IQCM: variants seen among roughly 807,000 people sequenced by gnomAD.
The protein encoded by IQCM is IQ motif containing M, also known as IQ domain-containing protein M.
A neutral mutation model predicts 57.6 loss-of-function variants in IQCM; 45 were observed. The observed-to-expected ratio is 0.78, with a 90% CI of 0.62 to 1.00. The LOEUF is 1.00. Among genes scored for constraint, IQCM ranks in the 50% least tolerant of loss-of-function variants. The probability of loss-of-function intolerance (pLI) is 0.00; values close to 1 mark genes in which losing one functional copy is unlikely to be tolerated. For missense variants in IQCM, 468 were observed against 511.6 expected, an observed-to-expected ratio of 0.91 and a Z score of 0.82; for synonymous variants, 148 against 158.9, an observed-to-expected ratio of 0.93 and a Z score of 0.51.
chr4:149,506,553 C>A (rs1389387435), intron 12 of IQCM, among the ~76,000 whole-genome samples: 1 of 151,836 alleles, frequency 6.6e-6, no homozygotes, highest in Non-Finnish European at 1.5e-5. Context: ...AGGAGAGGGC[C>A]CAGGATATAT....
chr4:149,504,651 C>A (rs1287416536), intron 12 of IQCM, among the ~76,000 whole-genome samples: 1 of 152,116 alleles, frequency 6.6e-6, no homozygotes, highest in East Asian at 1.9e-4. Flanking sequence ...CAGTGGTTCA[C>A]GTCTGCAATC....
At position 149,815,717 on chromosome 4, in the gene IQCM, A is replaced by C. The variant is rs932752642; in HGVS notation, c.-204T>G. On this transcript the variant is annotated 5_prime_UTR_variant, in exon 1 of 14. The change creates a new upstream start codon in the 5' untranslated region. Transcript: ENST00000636793. ...TATTCTTCCTTTATTATTTATCTTT[A>C]ATTATCCAGCTTTATATTTCTTTAA... The C allele has an allele frequency of 2.0e-5, 3 of 151,964 alleles. No homozygotes were observed. Among genetic ancestry groups the C allele is most frequent in the Non-Finnish European group, 4.4e-5 (3 of 67,900 alleles). 9.4% of individuals were successfully genotyped at this position (151,964 alleles called of 1,614,324 possible).
intron 7 of IQCM, among the ~76,000 whole-genome samples, chr4:149,653,156 G>T (rs1303303697): frequency 6.6e-6 from 1 of 152,074 alleles, no homozygotes; most frequent in Non-Finnish European, 1.5e-5. Context: ...TTGGTAAATG[G>T]TGTATCATTT....
intron 12 of IQCM, among the ~76,000 whole-genome samples, chr4:149,475,369 G>A (rs1011198275): frequency 6.6e-6 from 1 of 152,086 alleles, no homozygotes; most frequent in Non-Finnish European, 1.5e-5. Flanking sequence ...AATATAGGTG[G>A]GGCCAATTTG....
intron 13 of IQCM, among the ~76,000 whole-genome samples, chr4:149,372,214 A>T (rs1398645740): frequency 2.0e-5 from 3 of 152,134 alleles, no homozygotes; most frequent in Non-Finnish European, 4.4e-5. Flanking sequence ...AATATATTTC[A>T]ATTATTTGTA....
At chr4:149,427,158 C>T (rs545186610) in intron 13 of IQCM, among the ~76,000 whole-genome samples, 1 of 152,090 alleles carries the variant, frequency 6.6e-6, no homozygotes, top group East Asian at 1.9e-4. Flanking sequence ...ACAGTGCTCA[C>T]TGCACCTACT....
intron 5 of IQCM, among the ~76,000 whole-genome samples, chr4:149,705,330 A>T (rs990784431): frequency 6.6e-6 from 1 of 150,646 alleles, no homozygotes; most frequent in East Asian, 2.0e-4. Context: ...CCAGGATACA[A>T]CTATTAGAGT....
intron 8 of IQCM, among the ~76,000 whole-genome samples, chr4:149,616,352 T>C (rs189633220): frequency 2.2e-4 from 33 of 152,286 alleles, no homozygotes; most frequent in African/African-American, 7.0e-4. Flanking sequence ...ACAAATATTC[T>C]ACGATTCTGT....
chr4:149,576,982 T>C (rs535612753), intron 9 of IQCM, among the ~76,000 whole-genome samples: 2 of 152,012 alleles, frequency 1.3e-5, no homozygotes, highest in African/African-American at 4.8e-5. Flanking sequence ...ATTTCTCCAC[T>C]GATTAGTGAT....
chr4:149,518,101 C>A (rs1288131171), intron 12 of IQCM, among the ~76,000 whole-genome samples: 1 of 152,004 alleles, frequency 6.6e-6, no homozygotes, highest in African/African-American at 2.4e-5. Flanking sequence ...ACCCATTGAC[C>A]AAGGCAAGCG....
chr4:149,748,466 C>T (rs1283768130), intron 2 of IQCM, among the ~76,000 whole-genome samples: 1 of 152,092 alleles, frequency 6.6e-6, no homozygotes, highest in African/African-American at 2.4e-5. Context: ...AAACTGAGAA[C>T]ACTCTCCCAT....
intron 4 of IQCM, among the ~76,000 whole-genome samples, chr4:149,734,039 C>A (rs1038521678): frequency 1.3e-5 from 2 of 152,036 alleles, no homozygotes; most frequent in African/African-American, 2.4e-5. Context: ...ATAATTGCTT[C>A]TTTATTTTGA....
At chr4:149,395,446 T>C (rs994110171) in intron 13 of IQCM, among the ~76,000 whole-genome samples, 10 of 151,986 alleles carry the variant, frequency 6.6e-5, no homozygotes, top group African/African-American at 2.4e-4. Flanking sequence ...CCAATTAGAG[T>C]GCTGCTCTTT....
At chr4:149,420,480 G>T (rs1734048095) in intron 13 of IQCM, among the ~76,000 whole-genome samples, 1 of 151,932 alleles carries the variant, frequency 6.6e-6, no homozygotes, top group Non-Finnish European at 1.5e-5. Context: ...CTGCTGGGAG[G>T]TGGGGTGGGG....
chr4:149,368,805 CATGTATATATAT>C (rs1560778898), intron 13 of IQCM, among the ~76,000 whole-genome samples: 10 of 107,938 alleles, frequency 9.3e-5, no homozygotes, highest in African/African-American at 3.3e-4. Context: ...CATATATATA[CATGTATATATAT>C]ACATATATAT....
intron 3 of IQCM, among the ~76,000 whole-genome samples, chr4:149,737,978 A>G (rs970693292): frequency 1.3e-5 from 2 of 152,204 alleles, no homozygotes; most frequent in Non-Finnish European, 2.9e-5. Flanking sequence ...ATGACAAGCA[A>G]TATAATTTAT....
intron 2 of IQCM, among the ~76,000 whole-genome samples, chr4:149,805,938 G>A (rs986276008): frequency 6.6e-6 from 1 of 151,848 alleles, no homozygotes; most frequent in African/African-American, 2.4e-5. Flanking sequence ...ATGTTAATAT[G>A]AATTTTGGTA....
At chr4:149,776,643 T>C (rs769882843) in intron 2 of IQCM, among the ~76,000 whole-genome samples, 3 of 152,118 alleles carry the variant, frequency 2.0e-5, no homozygotes, top group Non-Finnish European at 2.9e-5. Context: ...TAAGGGCAGA[T>C]TAATAAAATG....
intron 4 of IQCM, 97 bp downstream of exon 4, chr4:149,735,279 T>A (rs1023962018): frequency 2.0e-6 from 1 of 506,670 alleles, no homozygotes; most frequent in Non-Finnish European, 3.1e-6. Context: ...TTTCTATTTA[T>A]TCTATCATAT....
Sources: allele counts gnomAD v4.1 joint callset (sites outside exome capture counted in the v4.1 genomes callset), GRCh38; gene constraint gnomAD v4.1.1; transcripts MANE v1.5; gene names NCBI Gene and HGNC (gene_info 2026-07-23, HGNC 2026-07-21).